Variants in AIFM1 observed in about 807,000 individuals in gnomAD.
AIFM1 encodes the protein apoptosis-inducing factor 1, mitochondrial.
A neutral mutation model predicts 51.7 loss-of-function variants in AIFM1; 3 were observed. The observed-to-expected ratio is 0.06, with a 90% confidence interval of 0.03 to 0.15. The LOEUF (loss-of-function observed/expected upper bound fraction) is 0.15, where lower values mean the gene tolerates loss of function less well. AIFM1 is among the 10% of genes least tolerant of loss of function. The pLI is 1.00. For missense variants in AIFM1, 330 were observed against 476.8 expected, an observed-to-expected ratio of 0.69 and a Z score of 2.87; for synonymous variants, 178 against 179.4, an observed-to-expected ratio of 0.99 and a Z score of 0.06.
At chrX:130,156,681 C>G (rs2031172928) in intron 1 of AIFM1, 78 bp from the exon 2 acceptor site, 1 of 1,069,761 alleles carries the variant, frequency 9.3e-7, no homozygotes, top group African/African-American at 1.8e-5. Flanking sequence ...AATGTCAATG[C>G]ACTGTACAAG....
chrX:130,130,264 C>T, intron 14 of AIFM1, 98 bp from the exon 15 acceptor site: 3 of 986,750 alleles, frequency 3.0e-6, no homozygotes, highest in Non-Finnish European at 4.3e-6. Context: ...TCTTTCGAGG[C>T]CTGCTTCAAG....
intron 1 of AIFM1, 138 bp from the exon 2 acceptor site, chrX:130,156,741 C>A: frequency 2.9e-6 from 2 of 685,494 alleles, no homozygotes; most frequent in Non-Finnish European, 4.5e-6. Context: ...AAAATATCAT[C>A]AAAACTGCAT....
intron 1 of AIFM1, among the ~76,000 whole-genome samples, chrX:130,158,935 TA>T (rs1218157910): frequency 9.0e-6 from 1 of 110,594 alleles, no homozygotes; most frequent in Admixed American, 9.7e-5. Flanking sequence ...TTCATAACGT[TA>T]GGCCACAGAC....
At chrX:130,147,380 A>G in intron 5 of AIFM1, 113 bp downstream of exon 5, 1 of 945,805 alleles carries the variant, frequency 1.1e-6, no homozygotes, top group East Asian at 3.1e-5. Context: ...AGTAGACTCT[A>G]GTGGACAGCC....
intron 2 of AIFM1, among the ~76,000 whole-genome samples, chrX:130,155,864 G>C (rs898310804): frequency 8.9e-6 from 1 of 111,744 alleles, no homozygotes; most frequent in African/African-American, 3.3e-5. Context: ...GTTCATTTAA[G>C]GAGATATAAT....
intron 1 of AIFM1, among the ~76,000 whole-genome samples, chrX:130,164,478 T>C (rs1283431986): frequency 8.9e-6 from 1 of 112,632 alleles, no homozygotes; most frequent in African/African-American, 3.2e-5. Flanking sequence ...GTTTCTGTAT[T>C]GTAAAAGCCT....
rs1244474237 is a variant in AIFM1, at chrX:130,165,678, C to T, written c.-22G>A. The T allele has an allele frequency of 7.0e-6, 8 of 1,141,480 alleles. No individual in the cohort carries two copies. In the Admixed American group the frequency reaches 1.9e-4, roughly 28 times the overall value. The allele number at this position is 1,141,480 out of a possible 1,213,427, so 94.1% of individuals were successfully genotyped here. ...ACATTTCGGCGACCGCTATTCGGGACCTCCTCCTTCCCTTTCCTCTCACGC... is the reference window on the plus strand; with the variant it reads ...ACATTTCGGCGACCGCTATTCGGGATCTCCTCCTTCCCTTTCCTCTCACGC... On this transcript the variant is annotated 5_prime_UTR_variant, in exon 1 of 16. Coordinates refer to ENST00000287295, the MANE Select transcript of AIFM1 (RefSeq NM_004208.4).
At position 130,149,551 on chromosome X, in the gene AIFM1, T is replaced by C; in HGVS notation, c.267A>G (p.Lys89=). Reference sequence around the variant, plus strand: ...TTTCATTGTATCTTTTTTCATCCTCTTTCATAGTCTTGTAGGCCTGCGGAT... The same window carrying C: ...TTTCATTGTATCTTTTTTCATCCTCCTTCATAGTCTTGTAGGCCTGCGGAT... The part of the protein sequence containing the change: ...GAGAYAYKTM[K]EDEKRYNERI... Residue 89 remains lysine, a synonymous_variant, in exon 3 of 16, where the codon AAA becomes AAG. Transcript: ENST00000287295. The C allele has an allele frequency of 8.3e-7, 1 of 1,205,696 alleles. No homozygotes were observed. The highest frequency in any genetic ancestry group is 3.0e-5 in the East Asian group (1 of 33,854).
At chrX:130,136,603 A>C (rs778174734) in intron 11 of AIFM1, 40 bp downstream of exon 11, 1 of 1,132,768 alleles carries the variant, frequency 8.8e-7, no homozygotes, top group Admixed American at 2.2e-5. Context: ...GGAGTGGAGA[A>C]CTGGAAGGCC....
intron 1 of AIFM1, among the ~76,000 whole-genome samples, chrX:130,157,659 T>C (rs1323106137): frequency 8.9e-6 from 1 of 112,159 alleles, no homozygotes; most frequent in Admixed American, 9.4e-5. Context: ...GAAATTCTTT[T>C]TTTTTTCAGC....
chrX:130,165,775 T>C lies in AIFM1; in HGVS notation c.-119A>G, dbSNP rs1397438805. 11 of 615,638 alleles carry C rather than the reference T, an allele frequency of 1.8e-5. No individual in the cohort carries two copies. Among genetic ancestry groups the C allele is most frequent in the Non-Finnish European group, 2.7e-5 (10 of 371,528 alleles). 50.7% of individuals were successfully genotyped at this position (615,638 alleles called of 1,213,427 possible). ...CTCTTCACACGCACATTACGCAGAC[T>C]CCTCCTCCCAGCTCCGGGTGGGCAT... On this transcript the variant is annotated 5_prime_UTR_variant, in exon 1 of 16. Transcript: ENST00000287295.
intron 1 of AIFM1, among the ~76,000 whole-genome samples, chrX:130,164,506 A>G (rs928220411): frequency 8.9e-6 from 1 of 112,431 alleles, no homozygotes; most frequent in Non-Finnish European, 1.9e-5. Context: ...AACTTCTGAC[A>G]TTGCAAATGC....
In AIFM1 at chrX:130,138,711, C is replaced by G; in HGVS notation, c.859-10G>C. The G allele has an allele frequency of 8.9e-7, 1 of 1,127,661 alleles. No individual in the cohort carries two copies. The highest frequency in any genetic ancestry group is 1.2e-6 in the Non-Finnish European group (1 of 818,978). The allele number at this position is 1,127,661 out of a possible 1,213,427, so 92.9% of individuals were successfully genotyped here. On this transcript the variant is annotated splice_polypyrimidine_tract_variant and intron_variant, in intron 8 of 15. Transcript: ENST00000287295. ...TTCTAAAGTCTCCAATCTGCAGGATCACATCAGTTTAGTCCATTAATTTCC... is the reference window on the plus strand; with the variant it reads ...TTCTAAAGTCTCCAATCTGCAGGATGACATCAGTTTAGTCCATTAATTTCC...
intron 4 of AIFM1, 44 bp downstream of exon 4, chrX:130,147,708 G>C: frequency 8.3e-7 from 1 of 1,211,735 alleles, no homozygotes; most frequent in Non-Finnish European, 1.1e-6. Flanking sequence ...CTAAATGCTT[G>C]CAGACTGTAC....
intron 5 of AIFM1, among the ~76,000 whole-genome samples, chrX:130,146,451 ATGTGTGTGTGTGTGTGTGTGTG>A (rs60694841): frequency 1.1e-5 from 1 of 89,435 alleles, no homozygotes; most frequent in Non-Finnish European, 2.2e-5. Flanking sequence ...CTCTCAAAAT[ATGTGTGTGTGTGTGTGTGTGTG>A]TGTGTGTGTG....
intron 2 of AIFM1, among the ~76,000 whole-genome samples, chrX:130,151,249 T>A (rs753635567): frequency 9.1e-6 from 1 of 109,447 alleles, no homozygotes; most frequent in East Asian, 2.9e-4. Flanking sequence ...CAAGCGATTC[T>A]GCTGCCTCAG....
chrX:130,148,534 A>AT, intron 3 of AIFM1, among the ~76,000 whole-genome samples: 1 of 111,708 alleles, frequency 9.0e-6, no homozygotes, highest in Middle Eastern at 4.6e-3. Flanking sequence ...GAATTTCCTC[A>AT]TTTAAAAAAC....
At chrX:130,147,996 A>C in intron 3 of AIFM1, 120 bp from the exon 4 acceptor site, 1 of 907,196 alleles carries the variant, frequency 1.1e-6, no homozygotes, top group Non-Finnish European at 1.6e-6. Context: ...AGCAAAACAT[A>C]TGACCTACGC....
At chrX:130,149,379 A>C in intron 3 of AIFM1, 90 bp downstream of exon 3, 1 of 750,888 alleles carries the variant, frequency 1.3e-6, no homozygotes, top group Admixed American at 2.2e-5. Context: ...CATTGCTTCT[A>C]CAAGACATCC....
Sources: gnomAD v4.1 joint callset for allele counts (sites outside exome capture counted in the v4.1 genomes callset) on GRCh38, gnomAD v4.1.1 for gene constraint, MANE v1.5 for transcripts, NCBI Gene and HGNC (gene_info 2026-07-23, HGNC 2026-07-21) for gene names.